The following AOPEP variants were observed in gnomAD, a reference collection of about 807,000 sequenced individuals.
AOPEP encodes the protein aminopeptidase O (putative).
AOPEP carries 77 observed loss-of-function variants against 98.1 expected under a neutral mutation model. That is an observed-to-expected ratio of 0.78 (90% confidence interval 0.65 to 0.95). The LOEUF (loss-of-function observed/expected upper bound fraction) is 0.95, where lower values mean the gene tolerates loss of function less well. AOPEP is among the 40% of genes least tolerant of loss of function. The probability of loss-of-function intolerance (pLI) is 0.00; values close to 1 mark genes in which losing one functional copy is unlikely to be tolerated. For synonymous variants in AOPEP, 346 were observed against 365.3 expected (o/e 0.95, Z 0.60); for missense variants, 1,024 against 1,024.7 (o/e 1.00, Z 0.01).
intron 5 of AOPEP, among the ~76,000 whole-genome samples, chr9:94,902,066 A>T (rs2050486852): frequency 6.6e-6 from 1 of 152,194 alleles, no homozygotes; most frequent in African/African-American, 2.4e-5. Context: ...CTAGACCAGG[A>T]CCACTGGTCC....
chr9:95,041,439 C>T (rs1425846513), intron 13 of AOPEP, among the ~76,000 whole-genome samples: 1 of 51,236 alleles, frequency 2.0e-5, no homozygotes, highest in Admixed American at 2.2e-4. Flanking sequence ...TACTCAGAGT[C>T]CTTGGGGGTG....
intron 5 of AOPEP, among the ~76,000 whole-genome samples, chr9:94,921,561 T>A (rs1816901831): frequency 6.6e-6 from 1 of 152,182 alleles, no homozygotes; most frequent in Non-Finnish European, 1.5e-5. Flanking sequence ...GGGAAGGAAA[T>A]TCTCCTTGAA....
At chr9:94,741,837 C>T (rs1482283775) in intron 1 of AOPEP, among the ~76,000 whole-genome samples, 2 of 152,154 alleles carry the variant, frequency 1.3e-5, no homozygotes, top group African/African-American at 4.8e-5. Flanking sequence ...GCTGATAGAA[C>T]AACCAACATG....
At chr9:94,744,701 C>CAAAAAAAAAAAAAA (rs757571360) in intron 1 of AOPEP, among the ~76,000 whole-genome samples, 2 of 56,062 alleles carry the variant, frequency 3.6e-5, no homozygotes, top group African/African-American at 6.0e-5. Context: ...GACTCTGTCT[C>CAAAAAAAAAAAAAA]AAAAAAAAAA....
intron 5 of AOPEP, among the ~76,000 whole-genome samples, chr9:94,906,479 T>A (rs1588822510): frequency 7.8e-6 from 1 of 127,864 alleles, no homozygotes; most frequent in East Asian, 2.1e-4. Context: ...ATAATAATAA[T>A]AATAAAAAAA....
At chr9:94,751,891 T>C (rs906079784) in intron 1 of AOPEP, among the ~76,000 whole-genome samples, 7 of 147,490 alleles carry the variant, frequency 4.7e-5, no homozygotes, top group African/African-American at 7.5e-5. Context: ...ATGAAAACTT[T>C]TTTTTTTTTT....
chr9:95,098,569 G>A, the AOPEP span, among the ~76,000 whole-genome samples: 1 of 152,188 alleles, frequency 6.6e-6, no homozygotes, highest in Admixed American at 6.5e-5. Flanking sequence ...AAACCCCACT[G>A]CAGTGGGGGT....
intron 7 of AOPEP, among the ~76,000 whole-genome samples, chr9:94,942,027 G>A (rs2137488563): frequency 6.6e-6 from 1 of 152,256 alleles, no homozygotes; most frequent in Admixed American, 6.5e-5. Context: ...AGTAAATTTT[G>A]TAAGTATACA....
chr9:94,790,915 A>G (rs781142082), intron 3 of AOPEP, among the ~76,000 whole-genome samples: 3 of 151,784 alleles, frequency 2.0e-5, no homozygotes, highest in Non-Finnish European at 4.4e-5. Flanking sequence ...AATGTGTTTA[A>G]CCCTCTAAAA....
At chr9:94,974,578 C>T (rs542470940) in intron 10 of AOPEP, among the ~76,000 whole-genome samples, 2 of 152,326 alleles carry the variant, frequency 1.3e-5, no homozygotes, top group African/African-American at 2.4e-5. Context: ...CACTTTTGCC[C>T]CTCCCAAGGG....
chr9:94,906,232 A>T (rs1052994395), intron 5 of AOPEP, among the ~76,000 whole-genome samples: 52 of 151,154 alleles, frequency 3.4e-4, no homozygotes, highest in Middle Eastern at 3.4e-3. Context: ...GCCGAGGTGG[A>T]TGGATCACTT....
the AOPEP span, chr9:95,110,132 C>A: frequency 1.0e-5 from 5 of 493,064 alleles, no homozygotes; most frequent in Admixed American, 1.3e-4. Context: ...TCCTAGGCAT[C>A]CCCTGAGGGA....
chr9:95,074,613 G>A (rs570779949), intron 14 of AOPEP, among the ~76,000 whole-genome samples: 1 of 152,190 alleles, frequency 6.6e-6, no homozygotes, highest in Non-Finnish European at 1.5e-5. Context: ...TTGAACAGCA[G>A]ATGTCCAAAG....
At chr9:94,982,645 T>C (rs10993436) in intron 11 of AOPEP, among the ~76,000 whole-genome samples, 38,004 of 149,448 alleles carry the variant, frequency 0.25, 8,334 homozygotes, top group African/African-American at 0.6. Context: ...CATGGCTCAC[T>C]GCAGCCTACA....
At chr9:94,983,885 T>G (rs1056030235) in intron 11 of AOPEP, among the ~76,000 whole-genome samples, 2 of 138,972 alleles carry the variant, frequency 1.4e-5, no homozygotes, top group Non-Finnish European at 3.1e-5. Flanking sequence ...GTTATGTCTA[T>G]AAGCCTCATC....
the AOPEP span, among the ~76,000 whole-genome samples, chr9:95,144,081 C>T: frequency 6.7e-6 from 1 of 150,252 alleles, no homozygotes; most frequent in Non-Finnish European, 1.5e-5. Context: ...GGTTAGAGTG[C>T]ATTGGTCAAA....
the AOPEP span, among the ~76,000 whole-genome samples, chr9:95,143,428 C>T: frequency 2.6e-5 from 4 of 152,062 alleles, no homozygotes; most frequent in African/African-American, 4.8e-5. Context: ...GCCCCCATCC[C>T]GAGGCTATCT....
intron 7 of AOPEP, among the ~76,000 whole-genome samples, chr9:94,943,168 A>G (rs1475020756): frequency 6.6e-6 from 1 of 152,228 alleles, no homozygotes; most frequent in Non-Finnish European, 1.5e-5. Context: ...GGACTCCATC[A>G]AGAAAATAAA....
chr9:94,812,099 T>C (rs908805348), intron 5 of AOPEP, among the ~76,000 whole-genome samples: 1 of 152,168 alleles, frequency 6.6e-6, no homozygotes, highest in African/African-American at 2.4e-5. Flanking sequence ...AGGCTTGGAT[T>C]TTCCTGTACT....
Sources: gnomAD v4.1 joint callset for allele counts (sites outside exome capture counted in the v4.1 genomes callset) on GRCh38, gnomAD v4.1.1 for gene constraint, MANE v1.5 for transcripts, NCBI Gene and HGNC (gene_info 2026-07-23, HGNC 2026-07-21) for gene names.